ALDH2: variants seen among roughly 807,000 people sequenced by gnomAD.
The protein encoded by ALDH2 is aldehyde dehydrogenase 2 family member, also known as aldehyde dehydrogenase, mitochondrial.
ALDH2 carries 44 observed loss-of-function variants against 59.6 expected under a neutral mutation model. The observed-to-expected ratio is 0.74, with a 90% CI of 0.58 to 0.95. The LOEUF (loss-of-function observed/expected upper bound fraction) is 0.95. Ranked by LOEUF, ALDH2 falls within the 40% of genes least tolerant of loss-of-function variation. ALDH2 has a pLI of 0.00. For missense variants in ALDH2, 570 were observed against 696.3 expected (o/e 0.82, Z 2.04); for synonymous variants, 291 against 284.0 (o/e 1.02, Z -0.25).
chr12:111,767,882 C>T (rs997016094), intron 1 of ALDH2, among the ~76,000 whole-genome samples: 7 of 152,160 alleles, frequency 4.6e-5, no homozygotes, highest in African/African-American at 1.7e-4. Context: ...TGTTGGCTGC[C>T]TTCTCTGACT....
At chr12:111,800,351 C>G (rs1258362199) in intron 11 of ALDH2, among the ~76,000 whole-genome samples, 1 of 152,234 alleles carries the variant, frequency 6.6e-6, no homozygotes, top group East Asian at 1.9e-4. Flanking sequence ...GATTGTGACA[C>G]TGATCCTAAA....
intron 11 of ALDH2, among the ~76,000 whole-genome samples, chr12:111,802,485 G>T (rs1340549952): frequency 6.6e-6 from 1 of 152,018 alleles, no homozygotes; most frequent in African/African-American, 2.4e-5. Flanking sequence ...GGAGGCTGAG[G>T]CAGGAGAATC....
rs1193773877 is a variant in ALDH2, at chr12:111,809,698, C to G, written c.*123C>G. ...AAGAGAAATTTTTCCTACAAAATCT[C>G]TTGGGTCAAGAAAGTTCTAGAATTT... On this transcript the variant is annotated 3_prime_UTR_variant, in exon 13 of 13. Coordinates refer to ENST00000261733, the MANE Select transcript of ALDH2 (RefSeq NM_000690.4). 1 of 1,131,110 alleles carries G rather than the reference C, an allele frequency of 8.8e-7. No individual in the cohort carries two copies. The highest frequency in any genetic ancestry group is 1.5e-5 in the African/African-American group (1 of 64,744). 70.1% of individuals were successfully genotyped at this position (1,131,110 alleles called of 1,614,324 possible).
At chr12:111,804,518 G>A (rs528834387) in intron 12 of ALDH2, among the ~76,000 whole-genome samples, 1 of 152,124 alleles carries the variant, frequency 6.6e-6, no homozygotes, top group African/African-American at 2.4e-5. Context: ...GGCCAAGGTG[G>A]GTGGATCACG....
intron 9 of ALDH2, among the ~76,000 whole-genome samples, chr12:111,796,087 C>T (rs1027214662): frequency 6.6e-6 from 1 of 151,286 alleles, no homozygotes; most frequent in African/African-American, 2.4e-5. Flanking sequence ...ACAGCAAGAC[C>T]TCATCTCTAC....
In ALDH2 at chr12:111,809,754, G is replaced by A. The variant is rs1424930032; in HGVS notation, c.*179G>A. ...GATAAACATGGTGGGTTGGCTGAGGGTAAGAGTATATGAGGAACCTTTTAA... is the reference window on the plus strand; with the variant it reads ...GATAAACATGGTGGGTTGGCTGAGGATAAGAGTATATGAGGAACCTTTTAA... On this transcript the variant is annotated 3_prime_UTR_variant, in exon 13 of 13. Coordinates refer to ENST00000261733, the MANE Select transcript of ALDH2 (RefSeq NM_000690.4). 7 of 673,802 alleles carry A rather than the reference G, an allele frequency of 1.0e-5. No individual in the cohort carries two copies. The highest frequency in any genetic ancestry group is 1.5e-5 in the Non-Finnish European group (6 of 395,598). The allele number at this position is 673,802 out of a possible 1,614,324, so 41.7% of individuals were successfully genotyped here.
At chr12:111,804,431 C>T (rs2068477487) in intron 12 of ALDH2, among the ~76,000 whole-genome samples, 1 of 152,122 alleles carries the variant, frequency 6.6e-6, no homozygotes. Flanking sequence ...TAGTAAGAAT[C>T]TTTTCAGATT....
Position 111,800,037 on chromosome 12 carries a change from C to T in ALDH2, c.1380C>T (p.Ser460=). Residue 460 remains serine, a synonymous_variant, in exon 11 of 13, where the codon TCC becomes TCT. Transcript: ENST00000261733. ...TKDLDKANYL[S]QALQAGTVWV... The stretch of plus-strand genomic sequence containing the variant: ...ATTTGGACAAGGCCAATTACCTGTC[C>T]CAGGCCCTCCAGGCGGGCACTGTGT... The T allele has an allele frequency of 6.2e-7, 1 of 1,613,004 alleles. No individual in the cohort carries two copies. The highest frequency in any genetic ancestry group is 1.1e-5 in the South Asian group (1 of 90,940).
intron 9 of ALDH2, 112 bp downstream of exon 9, chr12:111,792,894 A>G: frequency 8.3e-7 from 1 of 1,198,312 alleles, no homozygotes; most frequent in Non-Finnish European, 1.1e-6. Context: ...TCTACCACAC[A>G]GCAGCTGTGT....
intron 1 of ALDH2, among the ~76,000 whole-genome samples, chr12:111,768,708 G>T (rs2068176680): frequency 6.6e-6 from 1 of 151,688 alleles, no homozygotes; most frequent in African/African-American, 2.4e-5. Context: ...GTTAGGTGCG[G>T]TGGCACATGC....
chr12:111,807,699 C>T (rs1338325066), intron 12 of ALDH2, among the ~76,000 whole-genome samples: 3 of 152,078 alleles, frequency 2.0e-5, no homozygotes, highest in Non-Finnish European at 4.4e-5. Flanking sequence ...AGAAATATGG[C>T]TCTTCCAGGA....
At chr12:111,768,632 A>T (rs2068176140) in intron 1 of ALDH2, among the ~76,000 whole-genome samples, 1 of 152,112 alleles carries the variant, frequency 6.6e-6, no homozygotes, top group Non-Finnish European at 1.5e-5. Context: ...TGAGCCTAGG[A>T]TTTCGAGACC....
At chr12:111,807,246 G>C (rs1005528072) in intron 12 of ALDH2, among the ~76,000 whole-genome samples, 1 of 151,836 alleles carries the variant, frequency 6.6e-6, no homozygotes, top group Non-Finnish European at 1.5e-5. Context: ...GTGGGAGACA[G>C]AGCGAGACTC....
chr12:111,810,338 T>C lies in ALDH2; in HGVS notation c.*763T>C, dbSNP rs1332124041. On this transcript the variant is annotated 3_prime_UTR_variant, in exon 13 of 13. Transcript: ENST00000261733. The stretch of plus-strand genomic sequence containing the variant: ...AAATAAATGAAATAGCCTAAGGAAA[T>C]GCTGGCAGGCAGTAATGATATGGCA... 6.6e-6 allele frequency: 1 copy of C among 152,174 alleles called. No individual in the cohort carries two copies. The highest frequency in any genetic ancestry group is 1.5e-5 in the Non-Finnish European group (1 of 68,054). The allele number at this position is 152,174 out of a possible 1,614,324, so 9.4% of individuals were successfully genotyped here. A position where few individuals can be genotyped will look rare whatever the true frequency, so the allele number is the denominator to read the frequency against.
At chr12:111,800,639 C>T (rs896312129) in intron 11 of ALDH2, among the ~76,000 whole-genome samples, 7 of 151,982 alleles carry the variant, frequency 4.6e-5, no homozygotes, top group African/African-American at 1.7e-4. Context: ...CGCCATGTTG[C>T]CCAGGCTGGG....
In ALDH2 at chr12:111,811,118, C is replaced by T. The variant is rs2068532192; in HGVS notation, c.*1543C>T. ...TTGGGAGGCCAAGGTGGGTGGGTCA[C>T]CTGAGGTTGGGAGTTCGAGACCAGC... On this transcript the variant is annotated 3_prime_UTR_variant, in exon 13 of 13. Coordinates refer to ENST00000261733, the MANE Select transcript of ALDH2 (RefSeq NM_000690.4). 1 of 151,656 alleles carries T rather than the reference C, an allele frequency of 6.6e-6. No homozygotes were observed. The highest frequency in any genetic ancestry group is 6.6e-5 in the Admixed American group (1 of 15,206). The allele number at this position is 151,656 out of a possible 1,614,324, so 9.4% of individuals were successfully genotyped here.
intron 4 of ALDH2, 34 bp downstream of exon 4, chr12:111,785,380 C>A (rs778751819): frequency 1.2e-5 from 19 of 1,588,720 alleles, no homozygotes; most frequent in Non-Finnish European, 1.6e-5. Context: ...TTTGTTCTGG[C>A]AGGGGAAAAG....
At position 111,814,798 on chromosome 12, in the gene ALDH2, A is replaced by T. The variant is rs2136033676; in HGVS notation, c.*5223A>T. On this transcript the variant is annotated 3_prime_UTR_variant, in exon 13 of 13. Transcript: ENST00000261733. ...GGTTGCGGTTAGCCAAGATTGTGCC[A>T]CTGCACTCCATGGGTGACACAGAGA... 1 of 151,648 alleles carries T rather than the reference A, an allele frequency of 6.6e-6. No homozygotes were observed. Among genetic ancestry groups the T allele is most frequent in the East Asian group, 1.9e-4 (1 of 5,160 alleles). 9.4% of individuals were successfully genotyped at this position (151,648 alleles called of 1,614,324 possible).
chr12:111,775,710 A>C (rs1452413584), intron 1 of ALDH2: 1 of 455,460 alleles, frequency 2.2e-6, no homozygotes, highest in African/African-American at 2.0e-5. Flanking sequence ...AAGAGCGTTT[A>C]CGTGTGTTAT....
Sources: allele counts gnomAD v4.1 joint callset (sites outside exome capture counted in the v4.1 genomes callset), GRCh38; gene constraint gnomAD v4.1.1; transcripts MANE v1.5; gene names NCBI Gene and HGNC (gene_info 2026-07-23, HGNC 2026-07-21).